The following AGBL3 variants were observed in gnomAD, a reference collection of about 807,000 sequenced individuals.
AGBL3 encodes the protein AGBL carboxypeptidase 3, also known as cytosolic carboxypeptidase 3.
AGBL3 carries 68 observed loss-of-function variants against 94.5 expected under a neutral mutation model. The observed-to-expected ratio is 0.72, with a 90% CI of 0.59 to 0.88. The LOEUF (loss-of-function observed/expected upper bound fraction) is 0.88. Ranked by LOEUF, AGBL3 falls within the 40% of genes least tolerant of loss-of-function variation. The probability of loss-of-function intolerance (pLI) is 0.00; values close to 1 mark genes in which losing one functional copy is unlikely to be tolerated. For synonymous variants in AGBL3, 354 were observed against 370.7 expected, an observed-to-expected ratio of 0.95 and a Z score of 0.52; for missense variants, 934 against 1,103.8, an observed-to-expected ratio of 0.85 and a Z score of 2.18.
rs1253850930 is a variant in AGBL3 at position 135,081,740 on chromosome 7, A to G, written c.2060A>G (p.Asp687Gly). 3 of 1,542,578 alleles carry G rather than the reference A, an allele frequency of 1.9e-6. No individual in the cohort carries two copies. In the East Asian group the frequency reaches 7.4e-5, roughly 38 times the overall value. The part of the protein sequence containing the change: ...DVKDTRPNEP[D>G]DYMVDYFRRQ... ...CTAGATACAAGGCCAAATGAACCAGATGATTATATGGTTGATTATTTCAGA... is the reference window on the plus strand; with the variant it reads ...CTAGATACAAGGCCAAATGAACCAGGTGATTATATGGTTGATTATTTCAGA... Residue 687 changes from aspartate (D) to glycine (G), a missense_variant, in exon 15 of 17, where the codon GAT becomes GGT. Transcript: ENST00000436302.
chr7:135,133,986 C>G (rs930029435), intron 16 of AGBL3, among the ~76,000 whole-genome samples: 1 of 151,664 alleles, frequency 6.6e-6, no homozygotes, highest in African/African-American at 2.4e-5. Context: ...AGGTTACATA[C>G]AGTATGATTC....
chr7:135,036,644 A>G (rs1224622106), intron 7 of AGBL3, among the ~76,000 whole-genome samples: 1 of 152,238 alleles, frequency 6.6e-6, no homozygotes, highest in Non-Finnish European at 1.5e-5. Flanking sequence ...AATGGTACCA[A>G]TATCTTTAAG....
At chr7:135,067,228 A>G (rs933414647) in intron 12 of AGBL3, among the ~76,000 whole-genome samples, 3 of 152,180 alleles carry the variant, frequency 2.0e-5, no homozygotes, top group African/African-American at 7.2e-5. Context: ...TAGGTAAACA[A>G]AGCGGCCAGG....
intron 16 of AGBL3, among the ~76,000 whole-genome samples, chr7:135,122,879 C>A (rs7805917): frequency 0.49 from 73,755 of 151,956 alleles, 18,258 homozygotes; most frequent in South Asian, 0.66. Flanking sequence ...CCCAGAAAAA[C>A]CCCATCCAAG....
chr7:135,003,012 C>A (rs931734983), intron 4 of AGBL3, among the ~76,000 whole-genome samples: 1 of 151,892 alleles, frequency 6.6e-6, no homozygotes, highest in Non-Finnish European at 1.5e-5. Context: ...TTTCATTTGC[C>A]TTTTTGTCTT....
chr7:134,987,971 G>A lies in AGBL3; in HGVS notation c.38G>A (p.Arg13Lys). The A allele has an allele frequency of 6.5e-7, 1 of 1,546,702 alleles. No individual in the cohort carries two copies. Among genetic ancestry groups the A allele is most frequent in the Non-Finnish European group, 8.7e-7 (1 of 1,145,230 alleles). ...TCAGAAAAGGAAGACTATTCAGACA[G>A]AACAATCAGTGATGAAGATGAATCG... Reference protein sequence around the residue: ...EDSEKEDYSDRTISDEDESDE... With the variant: ...EDSEKEDYSDKTISDEDESDE... The change falls in exon 2 of 17, where the codon AGA (arginine) becomes AAA (lysine). Residue 13 changes from arginine (R) to lysine (K), a missense_variant. Physicochemically the swap from Arg to Lys is conservative, Grantham distance 26. Transcript: ENST00000436302.
At chr7:134,996,105 C>T (rs940575123) in intron 4 of AGBL3, among the ~76,000 whole-genome samples, 3 of 152,182 alleles carry the variant, frequency 2.0e-5, no homozygotes, top group Non-Finnish European at 4.4e-5. Flanking sequence ...GAGCATTCTT[C>T]TGTGTGGCTT....
chr7:135,104,561 C>T (rs1319920950), intron 15 of AGBL3, among the ~76,000 whole-genome samples: 1 of 152,102 alleles, frequency 6.6e-6, no homozygotes, highest in Non-Finnish European at 1.5e-5. Flanking sequence ...GTATAAGATT[C>T]CCTTTTTTCT....
intron 3 of AGBL3, among the ~76,000 whole-genome samples, chr7:134,990,056 C>G (rs994118057): frequency 6.6e-6 from 1 of 152,166 alleles, no homozygotes; most frequent in East Asian, 1.9e-4. Flanking sequence ...TAACTCACTC[C>G]TTTAACTAGC....
At chr7:135,026,147 G>T (rs985802872) in intron 5 of AGBL3, among the ~76,000 whole-genome samples, 11 of 151,100 alleles carry the variant, frequency 7.3e-5, no homozygotes, top group Admixed American at 4.0e-4. Context: ...TCAACCACAT[G>T]CTTTGTCATA....
intron 15 of AGBL3, among the ~76,000 whole-genome samples, chr7:135,110,856 C>T (rs1825538840): frequency 1.3e-5 from 2 of 152,224 alleles, no homozygotes; most frequent in Non-Finnish European, 1.5e-5. Context: ...CAATGCTGAA[C>T]AACTGCAATT....
chr7:135,009,780 T>C (rs1233979739), intron 4 of AGBL3, among the ~76,000 whole-genome samples: 2 of 152,208 alleles, frequency 1.3e-5, no homozygotes, highest in Admixed American at 1.3e-4. Context: ...CACACTCACA[T>C]TTGGCTTTTA....
chr7:135,107,606 G>C (rs1190253188), intron 15 of AGBL3, among the ~76,000 whole-genome samples: 1 of 151,998 alleles, frequency 6.6e-6, no homozygotes, highest in African/African-American at 2.4e-5. Flanking sequence ...CAGTTCTTTT[G>C]CATTTCCTGA....
chr7:134,993,711 T>C (rs1810606384), intron 4 of AGBL3, 33 bp downstream of exon 4: 7 of 1,454,268 alleles, frequency 4.8e-6, no homozygotes, highest in South Asian at 3.0e-5. Flanking sequence ...GATTCAGACA[T>C]TAGCAAACTT....
chr7:135,126,848 C>T (rs1041279994), intron 16 of AGBL3, among the ~76,000 whole-genome samples: 5 of 152,160 alleles, frequency 3.3e-5, no homozygotes, highest in African/African-American at 7.2e-5. Context: ...CCCTTCCTTA[C>T]ACCTTATACA....
At position 135,079,050 on chromosome 7, in the gene AGBL3, A is replaced by G. The variant is rs185549297; in HGVS notation, c.1981-1153A>G. On this transcript the variant is annotated intron_variant, in intron 13 of 16. Transcript: ENST00000436302. Reference sequence around the variant, plus strand: ...ATTCTGAAGAATTTCAGCACAAACAATTATATATTACTGTGGTCAGAAATT... The same window carrying G: ...ATTCTGAAGAATTTCAGCACAAACAGTTATATATTACTGTGGTCAGAAATT... Among the ~76,000 whole-genome samples the G allele has an allele frequency of 5.5e-4, 84 of 152,316 alleles. No individual in the cohort carries two copies. The East Asian group carries it at 0.013, about 24-fold the overall frequency.
At chr7:135,134,002 T>C (rs1047199611) in intron 16 of AGBL3, among the ~76,000 whole-genome samples, 16 of 152,068 alleles carry the variant, frequency 1.1e-4, no homozygotes, top group African/African-American at 3.9e-4. Context: ...GATTCCTTTA[T>C]GCAACATTCT....
intron 15 of AGBL3, among the ~76,000 whole-genome samples, chr7:135,103,292 G>A (rs1481046795): frequency 6.6e-6 from 1 of 152,154 alleles, no homozygotes; most frequent in Non-Finnish European, 1.5e-5. Context: ...TATTGAAGCT[G>A]AGTGATAGGT....
At chr7:134,987,438 A>C (rs577288720) in intron 1 of AGBL3, among the ~76,000 whole-genome samples, 14 of 152,252 alleles carry the variant, frequency 9.2e-5, no homozygotes, top group Non-Finnish European at 1.9e-4. Context: ...ACAGAATAAT[A>C]ATCAAAATGT....
Sources: gnomAD v4.1 joint callset for allele counts (sites outside exome capture counted in the v4.1 genomes callset) on GRCh38, gnomAD v4.1.1 for gene constraint, MANE v1.5 for transcripts, NCBI Gene and HGNC (gene_info 2026-07-23, HGNC 2026-07-21) for gene names.